Variants in FAAH2 observed in about 807,000 individuals in gnomAD.
FAAH2 encodes fatty-acid amide hydrolase 2.
Under a neutral mutation model 36.9 loss-of-function variants are expected in FAAH2, and 60 were observed. The observed-to-expected ratio is 1.63, with a 90% CI of 1.32 to 2.02. The LOEUF is 2.02. Among genes scored for constraint, FAAH2 ranks in the 30% most tolerant of loss-of-function variants. The probability of loss-of-function intolerance (pLI) is 0.00; values close to 1 mark genes in which losing one functional copy is unlikely to be tolerated. For synonymous variants in FAAH2, 214 were observed against 143.8 expected, an observed-to-expected ratio of 1.49 and a Z score of -3.49; for missense variants, 689 against 397.5, an observed-to-expected ratio of 1.73 and a Z score of -6.23.
At chrX:57,449,142 C>T (rs1268718506) in intron 10 of FAAH2, among the ~76,000 whole-genome samples, 1 of 112,089 alleles carries the variant, frequency 8.9e-6, no homozygotes, top group African/African-American at 3.2e-5. Flanking sequence ...TAGCTATCAT[C>T]CCCTTTGAAT....
chrX:57,133,960 A>G, the FAAH2 span, among the ~76,000 whole-genome samples: 1 of 111,087 alleles, frequency 9.0e-6, no homozygotes, highest in Non-Finnish European at 1.9e-5. Flanking sequence ...ATCTCCCACT[A>G]TGCATGGAGT....
At chrX:57,424,805 A>G (rs1355877243) in intron 7 of FAAH2, among the ~76,000 whole-genome samples, 1 of 112,167 alleles carries the variant, frequency 8.9e-6, no homozygotes, top group African/African-American at 3.2e-5. Flanking sequence ...CAGTGTAACA[A>G]TTCTGGAAAT....
intron 3 of FAAH2, among the ~76,000 whole-genome samples, chrX:57,323,702 G>A (rs1257235531): frequency 8.4e-5 from 2 of 23,691 alleles, no homozygotes; most frequent in East Asian, 1.4e-3. Context: ...TTTTTTTTTT[G>A]TAAACTTGTT....
At chrX:57,209,727 T>C in the FAAH2 span, among the ~76,000 whole-genome samples, 1 of 111,446 alleles carries the variant, frequency 9.0e-6, no homozygotes, top group Non-Finnish European at 1.9e-5. Flanking sequence ...AAATCCACTG[T>C]TTCTGGGTCC....
chrX:57,403,462 G>T (rs200998329), intron 7 of FAAH2, among the ~76,000 whole-genome samples: 5 of 112,706 alleles, frequency 4.4e-5, no homozygotes, highest in Non-Finnish European at 9.4e-5. Flanking sequence ...ACTCAGGGGC[G>T]AGTTCTAGAG....
the FAAH2 span, among the ~76,000 whole-genome samples, chrX:57,141,208 A>T: frequency 9.9e-5 from 11 of 111,249 alleles, no homozygotes; most frequent in Non-Finnish European, 1.9e-4. Flanking sequence ...TGGTTTTGGT[A>T]CTTTATTCTA....
At chrX:57,183,900 T>A in the FAAH2 span, among the ~76,000 whole-genome samples, 1 of 110,339 alleles carries the variant, frequency 9.1e-6, no homozygotes, top group Non-Finnish European at 1.9e-5. Flanking sequence ...ATCGCTAAAT[T>A]TTTTTCCTAG....
At chrX:57,255,970 G>A in the FAAH2 span, among the ~76,000 whole-genome samples, 7 of 111,794 alleles carry the variant, frequency 6.3e-5, no homozygotes, top group African/African-American at 2.3e-4. Flanking sequence ...CAAATAAAAA[G>A]AGAGGAAGTC....
chrX:57,454,155 G>T (rs1047227264), intron 10 of FAAH2, among the ~76,000 whole-genome samples: 1 of 111,905 alleles, frequency 8.9e-6, no homozygotes, highest in Non-Finnish European at 1.9e-5. Context: ...CTGCCTGCTA[G>T]CACTCTTAAG....
At chrX:57,421,720 A>G (rs1266901174) in intron 7 of FAAH2, among the ~76,000 whole-genome samples, 1 of 112,025 alleles carries the variant, frequency 8.9e-6, no homozygotes, top group Admixed American at 9.5e-5. Context: ...AAGGGACACA[A>G]TCCAGTCCGT....
chrX:57,448,550 A>C lies in FAAH2; in HGVS notation c.1255A>C (p.Arg419=). 1 of 1,210,775 alleles carries C rather than the reference A, an allele frequency of 8.3e-7. No homozygotes were observed. The highest frequency in any genetic ancestry group is 1.1e-6 in the Non-Finnish European group (1 of 895,189). ...ACTGGCTTTGTTGGAAGAAAAGCTCAGATATAGCAATGAGAAATACCAAAA... is the reference window on the plus strand; with the variant it reads ...ACTGGCTTTGTTGGAAGAAAAGCTCCGATATAGCAATGAGAAATACCAAAA... The part of the protein sequence containing the change: ...IGLALLEEKL[R]YSNEKYQKFK... Residue 419 remains arginine, a synonymous_variant, in exon 10 of 11, where the codon AGA becomes CGA. Coordinates refer to ENST00000374900, the MANE Select transcript of FAAH2 (RefSeq NM_174912.4).
At chrX:57,408,880 C>A (rs1189878378) in intron 7 of FAAH2, among the ~76,000 whole-genome samples, 1 of 111,393 alleles carries the variant, frequency 9.0e-6, no homozygotes, top group Non-Finnish European at 1.9e-5. Context: ...TATTGATTTT[C>A]ATATACAGAC....
chrX:57,272,738 C>G, the FAAH2 span, among the ~76,000 whole-genome samples: 2 of 112,239 alleles, frequency 1.8e-5, no homozygotes, highest in South Asian at 7.3e-4. Context: ...ATCTGCCTTA[C>G]AGAGCTCCTG....
chrX:57,438,152 T>C (rs2056455870), intron 8 of FAAH2, among the ~76,000 whole-genome samples: 2 of 105,685 alleles, frequency 1.9e-5, no homozygotes, highest in African/African-American at 6.8e-5. Flanking sequence ...TTTGTGTATA[T>C]ATATATACAC....
chrX:57,244,063 G>A, the FAAH2 span, among the ~76,000 whole-genome samples: 2 of 107,710 alleles, frequency 1.9e-5, no homozygotes, highest in Non-Finnish European at 3.8e-5. Flanking sequence ...TGACCTGATG[G>A]AGCTGAAAAA....
chrX:57,343,639 C>T lies in FAAH2; in HGVS notation c.742+2249C>T, dbSNP rs2053746847. Among the ~76,000 whole-genome samples the T allele has an allele frequency of 2.7e-5, 3 of 111,360 alleles. No homozygotes were observed. The Admixed American group carries it at 2.9e-4, about 11-fold the overall frequency. On this transcript the variant is annotated intron_variant, in intron 5 of 10. Coordinates refer to ENST00000374900, the MANE Select transcript of FAAH2 (RefSeq NM_174912.4). ...TTTAGCTTAATTTGGTCCCACTTGC[C>T]AAATTTTCTTTGAAATTGCTTTTGG...
the FAAH2 span, among the ~76,000 whole-genome samples, chrX:57,226,411 T>G: frequency 8.9e-6 from 1 of 112,141 alleles, no homozygotes; most frequent in Non-Finnish European, 1.9e-5. Flanking sequence ...TATATGATGC[T>G]TCATTTGGCT....
At chrX:57,466,148 C>CTATA (rs1346302535) in intron 10 of FAAH2, among the ~76,000 whole-genome samples, 6 of 78,559 alleles carry the variant, frequency 7.6e-5, no homozygotes, top group Non-Finnish European at 1.4e-4. Context: ...CTCTCTCTCT[C>CTATA]TCTCTCTCTA....
chrX:57,381,000 G>A lies in FAAH2; in HGVS notation c.967G>A (p.Asp323Asn). 8.4e-7 allele frequency: 1 copy of A among 1,188,654 alleles called. No homozygotes were observed. Among genetic ancestry groups the A allele is most frequent in the South Asian group, 1.9e-5 (1 of 52,014 alleles). Residue 323 changes from aspartate (D) to asparagine (N), a missense_variant, in exon 7 of 11, where the codon GAC becomes AAC. Transcript: ENST00000374900. Reference sequence around the variant, plus strand: ...AGGCTCATTTTTAATGTCCAAAGTGGACCAAGATCTCATTATGACTCAGAA... The same window carrying A: ...AGGCTCATTTTTAATGTCCAAAGTGAACCAAGATCTCATTATGACTCAGAA... ...DGGSFLMSKV[D>N]QDLIMTQKKV...
Sources: allele counts gnomAD v4.1 joint callset (sites outside exome capture counted in the v4.1 genomes callset), GRCh38; gene constraint gnomAD v4.1.1; transcripts MANE v1.5; gene names NCBI Gene and HGNC (gene_info 2026-07-23, HGNC 2026-07-21).